The following DNAJC1 variants were observed in gnomAD, a reference collection of about 807,000 sequenced individuals.
The protein encoded by DNAJC1 is dnaJ homolog subfamily C member 1.
In DNAJC1, 58 loss-of-function variants were observed where a neutral mutation model predicts 76.6. The ratio of observed to expected loss-of-function variants is 0.76; its 90% CI spans 0.61 to 0.94. The LOEUF (loss-of-function observed/expected upper bound fraction) is 0.94, where lower values mean the gene tolerates loss of function less well. DNAJC1 is among the 40% of genes least tolerant of loss of function. The pLI, the probability that DNAJC1 is intolerant of heterozygous loss-of-function variation, is 0.00. For missense variants in DNAJC1, 689 were observed against 677.3 expected (o/e 1.02, Z -0.19); for synonymous variants, 258 against 267.9 (o/e 0.96, Z 0.36).
rs568645329 is a variant in DNAJC1, at chr10:21,815,627, CAGA to C, written c.979-9531_979-9529del. On this transcript the variant is annotated intron_variant, in intron 8 of 11. Transcript: ENST00000376980. ...TTCCTTAATGGTGTCTTTTGAAGAG[CAGA>C]AGCTTTTCATTTTCATAAAGTTCAA... Among the ~76,000 whole-genome samples, 9 of 152,272 alleles carry C rather than the reference CAGA, an allele frequency of 5.9e-5. No individual in the cohort carries two copies. The South Asian group carries it at 1.9e-3, about 32-fold the overall frequency.
At chr10:21,834,993 A>G (rs1835425602) in intron 8 of DNAJC1, among the ~76,000 whole-genome samples, 1 of 152,216 alleles carries the variant, frequency 6.6e-6, no homozygotes, top group Non-Finnish European at 1.5e-5. Flanking sequence ...TTCTCCCAGC[A>G]CGCAGCTTGA....
At chr10:21,864,905 A>G (rs1018542925) in intron 8 of DNAJC1, among the ~76,000 whole-genome samples, 1 of 152,118 alleles carries the variant, frequency 6.6e-6, no homozygotes, top group Non-Finnish European at 1.5e-5. Flanking sequence ...CAAAGTGGGC[A>G]ACAGTGCTGA....
intron 7 of DNAJC1, among the ~76,000 whole-genome samples, chr10:21,888,577 C>T (rs1564818115): frequency 6.6e-6 from 1 of 152,046 alleles, no homozygotes; most frequent in African/African-American, 2.4e-5. Flanking sequence ...ACATATACAC[C>T]ATGGAATACT....
intron 10 of DNAJC1, among the ~76,000 whole-genome samples, chr10:21,761,734 C>T (rs1834243684): frequency 6.6e-6 from 1 of 152,046 alleles, no homozygotes; most frequent in African/African-American, 2.4e-5. Flanking sequence ...CATTAGCCTT[C>T]TCCTTTCTTA....
intron 9 of DNAJC1, among the ~76,000 whole-genome samples, chr10:21,785,748 G>A (rs903812409): frequency 6.6e-6 from 1 of 152,090 alleles, no homozygotes; most frequent in Admixed American, 6.5e-5. Context: ...CCCAGGTTGA[G>A]GGTTAATCTG....
intron 7 of DNAJC1, among the ~76,000 whole-genome samples, chr10:21,902,444 A>G (rs1836672721): frequency 6.6e-6 from 1 of 151,936 alleles, no homozygotes; most frequent in South Asian, 2.1e-4. Flanking sequence ...AGTGGGGATT[A>G]TAGGCGCACA....
intron 8 of DNAJC1, among the ~76,000 whole-genome samples, chr10:21,820,498 C>A (rs1432799268): frequency 6.6e-6 from 1 of 152,164 alleles, no homozygotes; most frequent in African/African-American, 2.4e-5. Context: ...ACAATAAATA[C>A]AAAAGGCTTC....
Position 21,903,741 on chromosome 10 carries a change from T to C in DNAJC1, c.820+781A>G, listed in dbSNP as rs1258514744. Among the ~76,000 whole-genome samples the C allele has an allele frequency of 3.9e-5, 6 of 152,072 alleles. No individual in the cohort carries two copies. The East Asian group carries it at 7.7e-4, about 20-fold the overall frequency. ...CCTAAAATGACCACACCCAAATCCC[T>C]ACAACCTGGGACACAACAGTGAACA... On this transcript the variant is annotated intron_variant, in intron 7 of 11. Transcript: ENST00000376980.
At chr10:21,903,290 G>T (rs1191913557) in intron 7 of DNAJC1, among the ~76,000 whole-genome samples, 1 of 152,110 alleles carries the variant, frequency 6.6e-6, no homozygotes, top group African/African-American at 2.4e-5. Context: ...CTTAGAAATT[G>T]TAATCTACCA....
intron 8 of DNAJC1, among the ~76,000 whole-genome samples, chr10:21,825,931 G>C (rs1440788843): frequency 6.6e-6 from 1 of 152,102 alleles, no homozygotes; most frequent in East Asian, 1.9e-4. Context: ...CCCCTTATCA[G>C]ATAGATGATA....
intron 1 of DNAJC1, among the ~76,000 whole-genome samples, chr10:21,988,377 T>A (rs528756459): frequency 2.0e-5 from 3 of 152,104 alleles, no homozygotes; most frequent in Non-Finnish European, 4.4e-5. Context: ...ATTAAAGGCA[T>A]ATAATAATAA....
intron 8 of DNAJC1, among the ~76,000 whole-genome samples, chr10:21,870,300 T>C (rs1176944167): frequency 6.6e-6 from 1 of 152,080 alleles, no homozygotes; most frequent in East Asian, 1.9e-4. Flanking sequence ...AGAAAACTTC[T>C]CAACTTGATT....
intron 8 of DNAJC1, among the ~76,000 whole-genome samples, chr10:21,833,867 A>G (rs1022666790): frequency 6.6e-6 from 1 of 152,240 alleles, no homozygotes; most frequent in Non-Finnish European, 1.5e-5. Flanking sequence ...AAAGCATTAT[A>G]CAACCAAATA....
intron 8 of DNAJC1, among the ~76,000 whole-genome samples, chr10:21,845,063 G>T (rs975760028): frequency 6.6e-6 from 1 of 152,168 alleles, no homozygotes; most frequent in Non-Finnish European, 1.5e-5. Flanking sequence ...TGTACACACA[G>T]ATTTTTAAAT....
chr10:21,867,364 G>A (rs1285881297), intron 8 of DNAJC1, among the ~76,000 whole-genome samples: 2 of 152,056 alleles, frequency 1.3e-5, no homozygotes, highest in African/African-American at 2.4e-5. Flanking sequence ...GTAGCTGTCA[G>A]TTGAAACTAT....
chr10:21,762,342 TA>T (rs1721891315), intron 10 of DNAJC1, among the ~76,000 whole-genome samples: 1 of 152,170 alleles, frequency 6.6e-6, no homozygotes, highest in South Asian at 2.1e-4. Flanking sequence ...ATATTAATAT[TA>T]AAAACAATGA....
At chr10:21,931,424 T>G (rs1029453204) in intron 1 of DNAJC1, among the ~76,000 whole-genome samples, 1 of 152,230 alleles carries the variant, frequency 6.6e-6, no homozygotes, top group African/African-American at 2.4e-5. Flanking sequence ...ATGAAGATTT[T>G]CTTATCTACA....
At chr10:21,791,307 C>T (rs938616844) in intron 9 of DNAJC1, among the ~76,000 whole-genome samples, 8 of 152,128 alleles carry the variant, frequency 5.3e-5, no homozygotes, top group Non-Finnish European at 1.2e-4. Context: ...CTTTGACACC[C>T]CACACTCAGC....
chr10:21,877,430 T>A (rs955349658), intron 8 of DNAJC1, among the ~76,000 whole-genome samples: 4 of 151,588 alleles, frequency 2.6e-5, no homozygotes, highest in African/African-American at 9.7e-5. Flanking sequence ...TGGGAGAAAA[T>A]ATGTGCAAAA....
Sources: allele counts gnomAD v4.1 joint callset (sites outside exome capture counted in the v4.1 genomes callset), GRCh38; gene constraint gnomAD v4.1.1; transcripts MANE v1.5; gene names NCBI Gene and HGNC (gene_info 2026-07-23, HGNC 2026-07-21).